Variants in QRICH1 observed in about 807,000 individuals in gnomAD.
The protein encoded by QRICH1 is transcriptional regulator QRICH1.
In QRICH1, 16 loss-of-function variants were observed where a neutral mutation model predicts 87.1. The ratio of observed to expected loss-of-function variants is 0.18; its 90% CI spans 0.12 to 0.28. The LOEUF is 0.28. Among genes scored for constraint, QRICH1 ranks in the 10% least tolerant of loss-of-function variants. The probability of loss-of-function intolerance (pLI) is 1.00; values close to 1 mark genes in which losing one functional copy is unlikely to be tolerated. For synonymous variants in QRICH1, 367 were observed against 368.4 expected (o/e 1.00, Z 0.05); for missense variants, 647 against 951.7 (o/e 0.68, Z 4.21).
intron 3 of QRICH1, among the ~76,000 whole-genome samples, chr3:49,050,762 TG>T (rs2093365985): frequency 6.6e-6 from 1 of 152,108 alleles, no homozygotes; most frequent in Non-Finnish European, 1.5e-5. Flanking sequence ...AACAGTTCCA[TG>T]AACTGCCAAC....
intron 6 of QRICH1, chr3:49,033,489 C>A: frequency 3.2e-6 from 1 of 311,722 alleles, no homozygotes. Context: ...TGTTGTTACC[C>A]TCTAATCCAA....
intron 1 of QRICH1, among the ~76,000 whole-genome samples, chr3:49,087,500 G>A (rs1001416283): frequency 4.0e-5 from 6 of 151,116 alleles, no homozygotes; most frequent in South Asian, 2.1e-4. Flanking sequence ...AGCCACGATC[G>A]CACCACTGCA....
At position 49,037,333 on chromosome 3, in the gene QRICH1, C is replaced by T. The variant is rs562210978; in HGVS notation, c.1787-4105G>A. Reference sequence around the variant, plus strand: ...GGAAAAAAGAACATGTTAAACTACACTACAGAGTGCAATCAGCAAAAATTA... The same window carrying T: ...GGAAAAAAGAACATGTTAAACTACATTACAGAGTGCAATCAGCAAAAATTA... On this transcript the variant is annotated intron_variant, in intron 6 of 9. Transcript: ENST00000395443. Among the ~76,000 whole-genome samples the T allele has an allele frequency of 7.2e-5, 11 of 152,316 alleles. No individual in the cohort carries two copies. The South Asian group carries it at 1.9e-3, about 26-fold the overall frequency.
At chr3:49,071,364 T>A (rs1008780316) in intron 2 of QRICH1, among the ~76,000 whole-genome samples, 1 of 152,052 alleles carries the variant, frequency 6.6e-6, no homozygotes, top group Non-Finnish European at 1.5e-5. Flanking sequence ...TTTAATCTTA[T>A]GAGAAAGCGG....
At chr3:49,058,014 C>A (rs1221331664) in intron 2 of QRICH1, 124 bp from the exon 3 acceptor site, 1 of 1,522,648 alleles carries the variant, frequency 6.6e-7, no homozygotes, top group Non-Finnish European at 8.9e-7. Flanking sequence ...CTGGCATACT[C>A]AAGGCTTCTG....
At chr3:49,084,046 C>T (rs780309628) in intron 1 of QRICH1, among the ~76,000 whole-genome samples, 6 of 152,014 alleles carry the variant, frequency 3.9e-5, no homozygotes, top group Non-Finnish European at 7.4e-5. Flanking sequence ...ATGATCCACC[C>T]GCCTCAGCCT....
chr3:49,070,743 ATTCT>A (rs1270616605), intron 2 of QRICH1, among the ~76,000 whole-genome samples: 4 of 152,114 alleles, frequency 2.6e-5, no homozygotes, highest in Non-Finnish European at 5.9e-5. Flanking sequence ...CCTGGCCAGA[ATTCT>A]TTATTTTTTA....
chr3:49,080,664 C>G (rs750520303), intron 1 of QRICH1, among the ~76,000 whole-genome samples: 37 of 152,058 alleles, frequency 2.4e-4, no homozygotes, highest in Non-Finnish European at 4.4e-4. Flanking sequence ...GAAGGGGCAG[C>G]TTAAGCCTCA....
intron 1 of QRICH1, among the ~76,000 whole-genome samples, chr3:49,091,954 C>A (rs2042283751): frequency 6.6e-6 from 1 of 151,968 alleles, no homozygotes; most frequent in Admixed American, 6.6e-5. Flanking sequence ...TGCCTGTAAT[C>A]CCAGTTACTT....
chr3:49,079,399 T>TAAATA (rs1025976919), intron 1 of QRICH1, among the ~76,000 whole-genome samples: 1 of 148,318 alleles, frequency 6.7e-6, no homozygotes, highest in Non-Finnish European at 1.5e-5. Context: ...AAGAAATAAA[T>TAAATA]AAATAAAATA....
chr3:49,042,064 C>T (rs1329397147), intron 6 of QRICH1, among the ~76,000 whole-genome samples: 4 of 148,100 alleles, frequency 2.7e-5, no homozygotes, highest in African/African-American at 7.5e-5. Flanking sequence ...TGAGCCACCG[C>T]GCCCAGACTG....
intron 6 of QRICH1, among the ~76,000 whole-genome samples, chr3:49,036,652 C>T (rs1295638188): frequency 1.3e-5 from 2 of 150,864 alleles, no homozygotes; most frequent in Non-Finnish European, 2.9e-5. Context: ...GATGAACTAA[C>T]TCATTTTTGT....
chr3:49,038,313 G>C (rs779504596), intron 6 of QRICH1, among the ~76,000 whole-genome samples: 1 of 151,780 alleles, frequency 6.6e-6, no homozygotes. Flanking sequence ...CACCCGCTTC[G>C]GCCTCCCAAA....
intron 2 of QRICH1, among the ~76,000 whole-genome samples, chr3:49,076,142 C>T (rs1342514559): frequency 6.6e-6 from 1 of 152,120 alleles, no homozygotes; most frequent in Non-Finnish European, 1.5e-5. Flanking sequence ...ACTCAGGAGG[C>T]TGGGGCAGGA....
At chr3:49,077,164 G>C (rs2041967411) in intron 1 of QRICH1, 126 bp from the exon 2 acceptor site, 3 of 500,002 alleles carry the variant, frequency 6.0e-6, no homozygotes, top group South Asian at 1.8e-4. Context: ...AAAAAATAAA[G>C]TTTTATTATA....
At chr3:49,031,434 A>T (rs1381270063) in intron 9 of QRICH1, among the ~76,000 whole-genome samples, 2 of 152,112 alleles carry the variant, frequency 1.3e-5, no homozygotes, top group African/African-American at 4.8e-5. Context: ...TCCATTCAAG[A>T]TTTATTCAAG....
intron 1 of QRICH1, among the ~76,000 whole-genome samples, chr3:49,077,759 A>G (rs1189858383): frequency 2.0e-5 from 3 of 152,218 alleles, no homozygotes; most frequent in African/African-American, 7.2e-5. Flanking sequence ...CACAGTTGAC[A>G]TAAGGATTAA....
chr3:49,068,642 T>TG (rs2093482157), intron 2 of QRICH1, among the ~76,000 whole-genome samples: 1 of 151,442 alleles, frequency 6.6e-6, no homozygotes. Flanking sequence ...TTCTTTTTTT[T>TG]TTTGTGATGG....
At chr3:49,075,492 G>A (rs902877131) in intron 2 of QRICH1, among the ~76,000 whole-genome samples, 1 of 152,136 alleles carries the variant, frequency 6.6e-6, no homozygotes, top group Admixed American at 6.6e-5. Context: ...TTAGCCGGGC[G>A]TGGTAGCACA....
Sources: allele counts gnomAD v4.1 joint callset (sites outside exome capture counted in the v4.1 genomes callset), GRCh38; gene constraint gnomAD v4.1.1; transcripts MANE v1.5; gene names NCBI Gene and HGNC (gene_info 2026-07-23, HGNC 2026-07-21).